SMARCC1: variants seen among roughly 807,000 people sequenced by gnomAD.
The protein encoded by SMARCC1 is SWI/SNF related BAF chromatin remodeling complex subunit C1.
A neutral mutation model predicts 147.4 loss-of-function variants in SMARCC1; 43 were observed. That is an observed-to-expected ratio of 0.29 (90% CI 0.23 to 0.38). The LOEUF (loss-of-function observed/expected upper bound fraction) is 0.38. SMARCC1 is among the 10% of genes least tolerant of loss of function. The pLI is 1.00. For missense variants in SMARCC1, 1,119 were observed against 1,381.1 expected (o/e 0.81, Z 3.01); for synonymous variants, 495 against 484.4 (o/e 1.02, Z -0.29).
rs2034285862 is a variant in SMARCC1 at position 47,725,331 on chromosome 3, T to C, written c.646+3694A>G. Among the ~76,000 whole-genome samples, 3 of 152,084 alleles carry C rather than the reference T, an allele frequency of 2.0e-5. No individual in the cohort carries two copies. In the South Asian group the frequency reaches 6.2e-4, roughly 31 times the overall value. ...AGGACTAACGTGGGAGAAGGGAAAG[T>C]GACTGCTAACAGGTATGGGTTTATT... On this transcript the variant is annotated intron_variant, in intron 6 of 27. Transcript: ENST00000254480.
chr3:47,776,143 G>A (rs982293751), intron 1 of SMARCC1, among the ~76,000 whole-genome samples: 6 of 151,396 alleles, frequency 4.0e-5, no homozygotes, highest in Non-Finnish European at 5.9e-5. Context: ...GCGAGACTCC[G>A]TCTCAAACGA....
chr3:47,766,392 C>T (rs1387018518), intron 2 of SMARCC1, among the ~76,000 whole-genome samples: 2 of 151,754 alleles, frequency 1.3e-5, no homozygotes, highest in African/African-American at 4.8e-5. Context: ...AGGGCAAAAC[C>T]CTGTCTCTAC....
intron 16 of SMARCC1, among the ~76,000 whole-genome samples, chr3:47,677,289 TG>T (rs1448703890): frequency 6.6e-6 from 1 of 151,868 alleles, no homozygotes; most frequent in Non-Finnish European, 1.5e-5. Flanking sequence ...TTAGTAGAAA[TG>T]GGTTTTCGCC....
In SMARCC1 at chr3:47,625,064, A is replaced by C. The variant is rs530088539; in HGVS notation, c.2647-2723T>G. Among the ~76,000 whole-genome samples the C allele has an allele frequency of 7.9e-5, 12 of 152,186 alleles. No individual in the cohort carries two copies. The East Asian group carries it at 2.3e-3, about 29-fold the overall frequency. ...AATAAATTGAGACAAATGAAACAAGACTGGTAAAAATTGATAACCAAAGCT... is the reference window on the plus strand; with the variant it reads ...AATAAATTGAGACAAATGAAACAAGCCTGGTAAAAATTGATAACCAAAGCT... On this transcript the variant is annotated intron_variant, in intron 24 of 27. Coordinates refer to ENST00000254480, the MANE Select transcript of SMARCC1 (RefSeq NM_003074.4).
chr3:47,781,663 G>C lies in SMARCC1; in HGVS notation c.135C>G (p.Ser45Arg). The C allele has an allele frequency of 6.4e-7, 1 of 1,558,548 alleles. No individual in the cohort carries two copies. The stretch of plus-strand genomic sequence containing the variant: ...AATCCAGCTGGGACACCGTCTCCGG[G>C]CTCTCCCAAAACTTGGTGGCCGGGC... ...DGGPATKFWE[S>R]PETVSQLDSV... Residue 45 changes from serine (S) to arginine (R), a missense_variant, in exon 1 of 28, where the codon AGC becomes AGG. Around this residue, in one of 6 missense-constraint regions of SMARCC1, gnomAD observed 542 missense variants for 611.8 expected, o/e 0.89. Coordinates refer to ENST00000254480, the MANE Select transcript of SMARCC1 (RefSeq NM_003074.4).
chr3:47,704,766 A>G (rs1312542300), intron 10 of SMARCC1, among the ~76,000 whole-genome samples: 1 of 151,844 alleles, frequency 6.6e-6, no homozygotes, highest in Non-Finnish European at 1.5e-5. Context: ...AAAATACAAA[A>G]ATTAGCTGGG....
At chr3:47,685,781 C>G (rs960791821) in intron 14 of SMARCC1, among the ~76,000 whole-genome samples, 2 of 152,020 alleles carry the variant, frequency 1.3e-5, no homozygotes, top group African/African-American at 4.8e-5. Flanking sequence ...CACTTGAAAC[C>G]GGGAGGCAGA....
intron 25 of SMARCC1, among the ~76,000 whole-genome samples, chr3:47,617,360 C>T (rs1230816002): frequency 6.6e-6 from 1 of 152,220 alleles, no homozygotes; most frequent in Non-Finnish European, 1.5e-5. Context: ...CTTATGGCTT[C>T]CTCACATAGT....
intron 2 of SMARCC1, among the ~76,000 whole-genome samples, chr3:47,751,235 T>C (rs1447468559): frequency 1.3e-5 from 2 of 152,012 alleles, no homozygotes; most frequent in African/African-American, 4.8e-5. Context: ...CAGGGACAGA[T>C]GATGAGAATG....
At chr3:47,641,338 C>T (rs1289385101) in intron 21 of SMARCC1, among the ~76,000 whole-genome samples, 2 of 152,086 alleles carry the variant, frequency 1.3e-5, no homozygotes, top group East Asian at 3.9e-4. Flanking sequence ...TATACAAAAA[C>T]GAGCCAGGCA....
intron 5 of SMARCC1, among the ~76,000 whole-genome samples, chr3:47,730,059 A>G (rs1391579715): frequency 2.0e-5 from 3 of 152,116 alleles, no homozygotes; most frequent in Admixed American, 2.0e-4. Flanking sequence ...CACGTCTGTA[A>G]TCTCAGCTAT....
intron 21 of SMARCC1, among the ~76,000 whole-genome samples, chr3:47,650,292 AATAATAATTATT>A (rs956021370): frequency 1.4e-5 from 2 of 140,320 alleles, no homozygotes; most frequent in Non-Finnish European, 3.1e-5. Context: ...TAATAATAAT[AATAATAATTATT>A]ATTATTATTA....
chr3:47,614,200 A>G (rs1183850939), intron 25 of SMARCC1, among the ~76,000 whole-genome samples: 1 of 152,218 alleles, frequency 6.6e-6, no homozygotes. Flanking sequence ...AGAAAACAAT[A>G]TAATTGCATT....
chr3:47,750,398 G>T (rs1025014162), intron 2 of SMARCC1, among the ~76,000 whole-genome samples: 1 of 152,094 alleles, frequency 6.6e-6, no homozygotes, highest in African/African-American at 2.4e-5. Context: ...TCGCGCCAGG[G>T]CACTCCAGCT....
rs140936234 is a variant in SMARCC1 at position 47,629,361 on chromosome 3, G to C, written c.2646+5829C>G. Reference sequence around the variant, plus strand: ...ATATCATAATGAGATAAAGCCATGAGAGATCTATTTTTCAGTGGGGGAAAG... The same window carrying C: ...ATATCATAATGAGATAAAGCCATGACAGATCTATTTTTCAGTGGGGGAAAG... On this transcript the variant is annotated intron_variant, in intron 24 of 27. Coordinates refer to ENST00000254480, the MANE Select transcript of SMARCC1 (RefSeq NM_003074.4). Among the ~76,000 whole-genome samples the C allele has an allele frequency of 3.9e-3, 595 of 152,278 alleles. 1 individual carries two copies. Among genetic ancestry groups the C allele is most frequent in the Non-Finnish European group, 6.5e-3 (439 of 68,028 alleles).
At chr3:47,737,702 C>A (rs761543123) in intron 4 of SMARCC1, among the ~76,000 whole-genome samples, 2 of 152,128 alleles carry the variant, frequency 1.3e-5, no homozygotes, top group African/African-American at 4.8e-5. Context: ...GTTGCCCAGG[C>A]TGGAGTGCAG....
intron 24 of SMARCC1, among the ~76,000 whole-genome samples, chr3:47,634,427 T>G (rs1287751316): frequency 6.6e-6 from 1 of 152,168 alleles, no homozygotes; most frequent in Non-Finnish European, 1.5e-5. Flanking sequence ...TCTGGGGAAT[T>G]AAAGATCATG....
At chr3:47,752,542 T>C (rs1364669752) in intron 2 of SMARCC1, among the ~76,000 whole-genome samples, 3 of 151,988 alleles carry the variant, frequency 2.0e-5, no homozygotes, top group Non-Finnish European at 4.4e-5. Flanking sequence ...TTCTAACACG[T>C]TGAGAGGCCG....
At chr3:47,742,014 C>A (rs2034515482) in intron 3 of SMARCC1, among the ~76,000 whole-genome samples, 1 of 151,916 alleles carries the variant, frequency 6.6e-6, no homozygotes. Context: ...CACTTCCCCA[C>A]AAAACTGTTT....
Sources: allele counts gnomAD v4.1 joint callset (sites outside exome capture counted in the v4.1 genomes callset), GRCh38; gene constraint gnomAD v4.1.1; regional missense constraint gnomAD v4.1.1; transcripts MANE v1.5; gene names NCBI Gene and HGNC (gene_info 2026-07-23, HGNC 2026-07-21).